RAPGEF4: variants seen among roughly 807,000 people sequenced by gnomAD.
RAPGEF4 encodes the protein RAP guanine-nucleotide-exchange factor (GEF) 4.
Under a neutral mutation model 147.9 loss-of-function variants are expected in RAPGEF4, and 66 were observed. That is an observed-to-expected ratio of 0.45 (90% CI 0.37 to 0.55). The LOEUF (loss-of-function observed/expected upper bound fraction) is 0.55. Ranked by LOEUF, RAPGEF4 falls within the 20% of genes least tolerant of loss-of-function variation. RAPGEF4 has a pLI of 0.00. For missense variants in RAPGEF4, 1,071 were observed against 1,257.3 expected (o/e 0.85, Z 2.24); for synonymous variants, 419 against 442.7 (o/e 0.95, Z 0.67).
chr2:173,021,076 T>G (rs1173609576), intron 23 of RAPGEF4, among the ~76,000 whole-genome samples: 3 of 152,250 alleles, frequency 2.0e-5, no homozygotes, highest in Admixed American at 2.0e-4. Flanking sequence ...CAGGCTCCTT[T>G]GCATTATGGC....
chr2:172,974,109 ATTAC>A (rs1051601410), intron 10 of RAPGEF4, among the ~76,000 whole-genome samples: 42 of 152,346 alleles, frequency 2.8e-4, no homozygotes, highest in Non-Finnish European at 1.2e-4. Flanking sequence ...GTGCTAAACA[ATTAC>A]TTAATTCAAT....
intron 6 of RAPGEF4, among the ~76,000 whole-genome samples, chr2:172,936,934 T>C (rs1337831386): frequency 7.2e-6 from 1 of 138,712 alleles, no homozygotes; most frequent in Admixed American, 8.2e-5. Flanking sequence ...ATGTGGTAGC[T>C]CACACTTGTA....
intron 10 of RAPGEF4, among the ~76,000 whole-genome samples, chr2:172,978,489 G>C (rs1691330890): frequency 6.6e-6 from 1 of 152,170 alleles, no homozygotes; most frequent in Non-Finnish European, 1.5e-5. Context: ...GTCCTCCTGG[G>C]GCGTCTGTCT....
intron 1 of RAPGEF4, among the ~76,000 whole-genome samples, chr2:172,741,683 G>T (rs1310243822): frequency 1.3e-5 from 2 of 152,148 alleles, no homozygotes; most frequent in Non-Finnish European, 2.9e-5. Context: ...TTGTTTGTGT[G>T]TGTGTTTTTA....
intron 17 of RAPGEF4, among the ~76,000 whole-genome samples, chr2:173,012,456 C>T (rs1695118960): frequency 6.6e-6 from 1 of 152,210 alleles, no homozygotes; most frequent in South Asian, 2.1e-4. Context: ...AAAGATAGCA[C>T]CTGCCAAAGC....
intron 4 of RAPGEF4, among the ~76,000 whole-genome samples, chr2:172,874,517 C>T (rs988061284): frequency 2.0e-5 from 3 of 152,146 alleles, no homozygotes; most frequent in East Asian, 1.9e-4. Flanking sequence ...TTTGTCCTTG[C>T]GACAGTTTGC....
intron 4 of RAPGEF4, among the ~76,000 whole-genome samples, chr2:172,860,469 A>C (rs771667979): frequency 6.6e-6 from 1 of 152,180 alleles, no homozygotes; most frequent in East Asian, 1.9e-4. Flanking sequence ...AACAGAGAAC[A>C]GTTTAACCCA....
chr2:172,964,033 T>G (rs1689575626), intron 8 of RAPGEF4, among the ~76,000 whole-genome samples: 1 of 152,228 alleles, frequency 6.6e-6, no homozygotes, highest in Admixed American at 6.5e-5. Flanking sequence ...GTGTACTCTT[T>G]TTTTGTAAAG....
chr2:173,036,136 G>A lies in RAPGEF4; in HGVS notation c.2712G>A (p.Arg904=). The A allele has an allele frequency of 6.2e-7, 1 of 1,610,822 alleles. No individual in the cohort carries two copies. The highest frequency in any genetic ancestry group is 8.5e-7 in the Non-Finnish European group (1 of 1,177,378). ...AEFESLMDPS[R]NHRAYRLTVA... is the part of the protein sequence containing the mutation. ...TTTTCTCTCCTAAGGACCCTTCAAGGAACCACAGGGCCTACAGGCTGACAG... is the reference window on the plus strand; with the variant it reads ...TTTTCTCTCCTAAGGACCCTTCAAGAAACCACAGGGCCTACAGGCTGACAG... Residue 904 remains arginine, a synonymous_variant, in exon 28 of 31, where the codon AGG becomes AGA. Transcript: ENST00000397081.
chr2:172,895,542 C>A (rs1381358432), intron 4 of RAPGEF4, among the ~76,000 whole-genome samples: 1 of 152,094 alleles, frequency 6.6e-6, no homozygotes, highest in Admixed American at 6.6e-5. Flanking sequence ...AGTTATTGTT[C>A]AAGATTTTCT....
At chr2:173,024,407 C>T (rs1050980223) in intron 23 of RAPGEF4, among the ~76,000 whole-genome samples, 2 of 144,168 alleles carry the variant, frequency 1.4e-5, no homozygotes, top group Non-Finnish European at 3.1e-5. Flanking sequence ...TTAGTAGAGA[C>T]GGGGTTTCAC....
At chr2:172,773,218 AC>A (rs1025085372) in intron 1 of RAPGEF4, among the ~76,000 whole-genome samples, 14 of 152,194 alleles carry the variant, frequency 9.2e-5, no homozygotes, top group African/African-American at 1.9e-4. Flanking sequence ...AGTGTTGTAA[AC>A]AAATAATCAT....
intron 4 of RAPGEF4, among the ~76,000 whole-genome samples, chr2:172,836,227 G>T (rs1479210075): frequency 1.3e-5 from 2 of 152,122 alleles, no homozygotes; most frequent in African/African-American, 4.8e-5. Flanking sequence ...AATCTCTCAT[G>T]TATGGACACA....
intron 1 of RAPGEF4, among the ~76,000 whole-genome samples, chr2:172,783,785 T>TGC (rs1279105563): frequency 6.6e-6 from 1 of 151,632 alleles, no homozygotes; most frequent in Non-Finnish European, 1.5e-5. Flanking sequence ...AGTGTGTGTG[T>TGC]GTGTGTGTGG....
In RAPGEF4 at chr2:173,012,670, A is replaced by G. The variant is rs149013830; in HGVS notation, c.1659-1794A>G. ...TGATTTCTTCTCACCTCCTCATTTCATGGAGAGTAAATGGAAGTCTACAGT... is the reference window on the plus strand; with the variant it reads ...TGATTTCTTCTCACCTCCTCATTTCGTGGAGAGTAAATGGAAGTCTACAGT... On this transcript the variant is annotated intron_variant, in intron 17 of 30. Transcript: ENST00000397081. 3.0e-3 allele frequency among the ~76,000 whole-genome samples: 450 copies of G among 152,332 alleles called. 1 individual carries two copies. Among genetic ancestry groups the G allele is most frequent in the Non-Finnish European group, 5.4e-3 (366 of 68,028 alleles).
chr2:172,774,890 A>G (rs147475787), intron 1 of RAPGEF4, among the ~76,000 whole-genome samples: 15 of 152,308 alleles, frequency 9.8e-5, no homozygotes, highest in Non-Finnish European at 1.9e-4. Context: ...GAAATTAGAG[A>G]CTGCAATTCA....
chr2:173,022,958 C>G (rs1015766459), intron 23 of RAPGEF4, among the ~76,000 whole-genome samples: 1 of 152,164 alleles, frequency 6.6e-6, no homozygotes, highest in African/African-American at 2.4e-5. Flanking sequence ...TATTTAGTAC[C>G]TACCACATCA....
In RAPGEF4 at chr2:173,024,872, T is replaced by C. The variant is rs910755354; in HGVS notation, c.2254-1700T>C. ...CATGGGGACCCCCTGTGCTCTCTGC[T>C]CCTGCCAAGCAAGTTTCATGACAGC... is the stretch of plus-strand genomic sequence containing the variant. On this transcript the variant is annotated intron_variant, in intron 23 of 30. Transcript: ENST00000397081. Among the ~76,000 whole-genome samples, 6 of 152,206 alleles carry C rather than the reference T, an allele frequency of 3.9e-5. 1 individual carries two copies. The South Asian group carries it at 1.0e-3, about 26-fold the overall frequency.
intron 17 of RAPGEF4, among the ~76,000 whole-genome samples, chr2:173,008,251 C>G (rs191249036): frequency 6.6e-6 from 1 of 152,140 alleles, no homozygotes; most frequent in Admixed American, 6.6e-5. Flanking sequence ...GGAACTCTTT[C>G]CTTTATAAAT....
Sources: gnomAD v4.1 joint callset for allele counts (sites outside exome capture counted in the v4.1 genomes callset) on GRCh38, gnomAD v4.1.1 for gene constraint, MANE v1.5 for transcripts, NCBI Gene and HGNC (gene_info 2026-07-23, HGNC 2026-07-21) for gene names.